Variants in PCDH15 observed in about 807,000 individuals in gnomAD.
PCDH15 encodes the protein protocadherin related 15.
Under a neutral mutation model 178.5 loss-of-function variants are expected in PCDH15, and 129 were observed. The ratio of observed to expected loss-of-function variants is 0.72; its 90% CI spans 0.63 to 0.84. The LOEUF (loss-of-function observed/expected upper bound fraction) is 0.84. Ranked by LOEUF, PCDH15 falls within the 40% of genes least tolerant of loss-of-function variation. PCDH15 has a pLI of 0.00. For missense variants in PCDH15, 2,230 were observed against 2,099.9 expected (o/e 1.06, Z -1.21); for synonymous variants, 800 against 732.0 (o/e 1.09, Z -1.50).
chr10:55,199,983 T>A (rs1840199193), intron 1 of PCDH15, among the ~76,000 whole-genome samples: 1 of 152,080 alleles, frequency 6.6e-6, no homozygotes, highest in Admixed American at 6.5e-5. Flanking sequence ...GGTGGAGCCT[T>A]CATGGAGAAC....
intron 3 of PCDH15, among the ~76,000 whole-genome samples, chr10:54,387,300 C>T (rs1950041248): frequency 6.6e-6 from 1 of 152,048 alleles, no homozygotes; most frequent in South Asian, 2.1e-4. Context: ...GCATCATTCA[C>T]AATAGCTAAA....
chr10:54,360,997 T>C (rs1354075291), intron 5 of PCDH15, among the ~76,000 whole-genome samples: 1 of 152,162 alleles, frequency 6.6e-6, no homozygotes, highest in Non-Finnish European at 1.5e-5. Context: ...TTATTTTTCT[T>C]ATTTCAAAAA....
intron 32 of PCDH15, chr10:53,823,480 A>G: frequency 1.1e-6 from 1 of 920,286 alleles, no homozygotes; most frequent in East Asian, 2.4e-5. Flanking sequence ...GCCAAACAAC[A>G]CTAACCTACT....
chr10:54,977,544 A>G (rs1839104463), intron 2 of PCDH15, among the ~76,000 whole-genome samples: 1 of 151,946 alleles, frequency 6.6e-6, no homozygotes, highest in Non-Finnish European at 1.5e-5. Context: ...AGCTCCAGGA[A>G]CTCTCCAATC....
intron 2 of PCDH15, among the ~76,000 whole-genome samples, chr10:55,594,801 T>C (rs889508267): frequency 1.1e-4 from 17 of 152,156 alleles, no homozygotes; most frequent in South Asian, 8.3e-4. Context: ...CAATTCAAAT[T>C]TCCCCTGATA....
chr10:54,344,023 T>C lies in PCDH15; in HGVS notation c.594+2342A>G, dbSNP rs564220792. Among the ~76,000 whole-genome samples the C allele has an allele frequency of 2.6e-5, 4 of 152,216 alleles. No homozygotes were observed. The East Asian group carries it at 7.7e-4, about 29-fold the overall frequency. On this transcript the variant is annotated intron_variant, in intron 6 of 37. Coordinates refer to ENST00000644397, the MANE Select transcript of PCDH15 (RefSeq NM_001384140.1). ...GTAAGCAGAATTACTAGAGATTTAGTAGTAGCAGAACATAAAATTTATCAT... is the reference window on the plus strand; with the variant it reads ...GTAAGCAGAATTACTAGAGATTTAGCAGTAGCAGAACATAAAATTTATCAT...
At chr10:55,195,978 G>T (rs1840084132) in intron 1 of PCDH15, among the ~76,000 whole-genome samples, 1 of 151,986 alleles carries the variant, frequency 6.6e-6, no homozygotes, top group Admixed American at 6.6e-5. Flanking sequence ...TGAAACAAAA[G>T]AAAAATATTT....
At chr10:54,472,369 A>G (rs984183231) in intron 3 of PCDH15, among the ~76,000 whole-genome samples, 28 of 152,200 alleles carry the variant, frequency 1.8e-4, no homozygotes, top group Middle Eastern at 3.4e-3. Flanking sequence ...ATTTCACCTA[A>G]TTTTTGTTGC....
rs528125754 is a variant in PCDH15, at chr10:54,292,998, G to A, written c.876+24273C>T. On this transcript the variant is annotated intron_variant, in intron 8 of 37. Coordinates refer to ENST00000644397, the MANE Select transcript of PCDH15 (RefSeq NM_001384140.1). ...TTCAAGTGGAAATAAAAAAGAGCCC[G>A]CATTGCCAAGACAATCCTAAGCAAA... 7.9e-5 allele frequency among the ~76,000 whole-genome samples: 12 copies of A among 152,196 alleles called. No individual in the cohort carries two copies. The East Asian group carries it at 1.2e-3, about 15-fold the overall frequency.
chr10:54,112,715 T>C (rs1030484361), intron 15 of PCDH15, among the ~76,000 whole-genome samples: 2 of 152,134 alleles, frequency 1.3e-5, no homozygotes, highest in Non-Finnish European at 2.9e-5. Flanking sequence ...ATGTTCCCAA[T>C]AGAGGTCACA....
intron 2 of PCDH15, among the ~76,000 whole-genome samples, chr10:55,029,063 G>C (rs1323642684): frequency 1.3e-5 from 2 of 151,906 alleles, no homozygotes; most frequent in Non-Finnish European, 2.9e-5. Context: ...AGTGAGACTT[G>C]AGTGATTGAG....
At chr10:54,720,274 T>G (rs930853530) in intron 1 of PCDH15, among the ~76,000 whole-genome samples, 27 of 152,174 alleles carry the variant, frequency 1.8e-4, no homozygotes, top group African/African-American at 6.5e-4. Flanking sequence ...TGGATTGTCT[T>G]GGGAGAAATT....
chr10:54,269,719 G>A (rs1311057547), intron 8 of PCDH15, among the ~76,000 whole-genome samples: 1 of 151,958 alleles, frequency 6.6e-6, no homozygotes. Context: ...TTTCTTCACA[G>A]AAGCATTCTA....
intron 2 of PCDH15, among the ~76,000 whole-genome samples, chr10:55,157,865 A>T (rs10763185): frequency 0.94 from 142,796 of 151,740 alleles, 67,474 homozygotes; most frequent in East Asian, 1. Context: ...AATGACGAGT[A>T]AATGGGTGCA....
At chr10:54,960,508 T>C (rs1199175380) in intron 2 of PCDH15, among the ~76,000 whole-genome samples, 2 of 152,170 alleles carry the variant, frequency 1.3e-5, no homozygotes, top group South Asian at 2.1e-4. Context: ...TCTTGAACTT[T>C]CTACCAATGC....
At chr10:54,286,015 G>A (rs145959960) in intron 8 of PCDH15, among the ~76,000 whole-genome samples, 2,213 of 152,308 alleles carry the variant, frequency 0.015, 48 homozygotes, top group South Asian at 0.044. Context: ...ATAGTAGAGA[G>A]TAAAACAGCA....
intron 13 of PCDH15, among the ~76,000 whole-genome samples, chr10:54,167,123 A>G (rs935476205): frequency 4.6e-5 from 7 of 152,298 alleles, no homozygotes; most frequent in Non-Finnish European, 7.4e-5. Context: ...ATGGACGCGC[A>G]TGAAATTTGG....
At chr10:53,999,991 C>T (rs1445007586) in intron 20 of PCDH15, among the ~76,000 whole-genome samples, 1 of 152,052 alleles carries the variant, frequency 6.6e-6, no homozygotes, top group Non-Finnish European at 1.5e-5. Flanking sequence ...CTCCAGGTGG[C>T]TCCAAACAGA....
chr10:55,044,802 G>A (rs1840956697), intron 2 of PCDH15, among the ~76,000 whole-genome samples: 1 of 152,024 alleles, frequency 6.6e-6, no homozygotes, highest in East Asian at 1.9e-4. Context: ...GGCTTGCCAT[G>A]TGTTAGGTGT....
Sources: allele counts gnomAD v4.1 joint callset (sites outside exome capture counted in the v4.1 genomes callset), GRCh38; gene constraint gnomAD v4.1.1; transcripts MANE v1.5; gene names NCBI Gene and HGNC (gene_info 2026-07-23, HGNC 2026-07-21).